The following ADGRB3 variants were observed in gnomAD, a reference collection of about 807,000 sequenced individuals.
ADGRB3 encodes adhesion G protein-coupled receptor B3.
A neutral mutation model predicts 193.4 loss-of-function variants in ADGRB3; 37 were observed. The ratio of observed to expected loss-of-function variants is 0.19; its 90% confidence interval spans 0.15 to 0.25. ADGRB3 has a LOEUF of 0.25. ADGRB3 is among the 10% of genes least tolerant of loss of function. The pLI, the probability that ADGRB3 is intolerant of heterozygous loss-of-function variation, is 1.00. For synonymous variants in ADGRB3, 690 were observed against 644.2 expected (o/e 1.07, Z -1.08); for missense variants, 1,637 against 1,852.9 (o/e 0.88, Z 2.14).
intron 3 of ADGRB3, among the ~76,000 whole-genome samples, chr6:68,714,367 A>AT (rs77947189): frequency 4.6e-5 from 7 of 151,124 alleles, no homozygotes; most frequent in Non-Finnish European, 7.4e-5. Flanking sequence ...AATTAGTCAA[A>AT]TTTTTTTTTG....
chr6:68,858,409 C>T (rs1765047813), intron 3 of ADGRB3, among the ~76,000 whole-genome samples: 1 of 149,228 alleles, frequency 6.7e-6, no homozygotes, highest in Admixed American at 6.8e-5. Context: ...GAGGCTAAGG[C>T]AGGAGAATTG....
intron 15 of ADGRB3, among the ~76,000 whole-genome samples, chr6:69,058,235 T>A (rs1205972589): frequency 6.6e-6 from 1 of 151,992 alleles, no homozygotes; most frequent in Non-Finnish European, 1.5e-5. Context: ...AATTAATTGT[T>A]CATAGCTGTC....
At chr6:68,792,892 A>G (rs551971340) in intron 3 of ADGRB3, among the ~76,000 whole-genome samples, 1 of 152,294 alleles carries the variant, frequency 6.6e-6, no homozygotes, top group Non-Finnish European at 1.5e-5. Context: ...CTACAGTCTC[A>G]GCAAAGTTAA....
chr6:69,349,087 C>T (rs1310683513), intron 26 of ADGRB3, among the ~76,000 whole-genome samples: 1 of 152,166 alleles, frequency 6.6e-6, no homozygotes, highest in Non-Finnish European at 1.5e-5. Flanking sequence ...GCTTCAAGGT[C>T]CTCTTCTGTG....
chr6:69,364,298 C>T (rs1233570823), intron 29 of ADGRB3, among the ~76,000 whole-genome samples: 2 of 151,762 alleles, frequency 1.3e-5, no homozygotes, highest in Non-Finnish European at 1.5e-5. Flanking sequence ...AGAGGAAAAA[C>T]GAGAGTTGAG....
chr6:68,823,993 A>G (rs1236147820), intron 3 of ADGRB3, among the ~76,000 whole-genome samples: 1 of 152,158 alleles, frequency 6.6e-6, no homozygotes, highest in East Asian at 1.9e-4. Flanking sequence ...GGTATGCTGA[A>G]GATTTACTGC....
intron 4 of ADGRB3, among the ~76,000 whole-genome samples, 192 bp from the exon 5 acceptor site, chr6:68,936,327 T>C (rs1267872603): frequency 1.3e-5 from 2 of 152,226 alleles, no homozygotes; most frequent in East Asian, 1.9e-4. Flanking sequence ...CAAAACTTGG[T>C]GTTTGCATCA....
At chr6:68,952,818 A>G (rs1767970328) in intron 6 of ADGRB3, among the ~76,000 whole-genome samples, 1 of 152,116 alleles carries the variant, frequency 6.6e-6, no homozygotes, top group Non-Finnish European at 1.5e-5. Context: ...TCTAAAATAC[A>G]TGTTTTGTTG....
chr6:68,966,906 G>T (rs1283044028), intron 8 of ADGRB3, among the ~76,000 whole-genome samples: 1 of 152,196 alleles, frequency 6.6e-6, no homozygotes, highest in Non-Finnish European at 1.5e-5. Flanking sequence ...ATAAAGATGA[G>T]ATGGCAGAAA....
intron 28 of ADGRB3, among the ~76,000 whole-genome samples, chr6:69,358,416 T>A (rs1769378604): frequency 6.6e-6 from 1 of 151,990 alleles, no homozygotes; most frequent in Non-Finnish European, 1.5e-5. Context: ...TCTCCTTCAT[T>A]AAATTACAGA....
chr6:68,940,771 A>T (rs1767620875), intron 5 of ADGRB3, among the ~76,000 whole-genome samples: 1 of 151,938 alleles, frequency 6.6e-6, no homozygotes, highest in Non-Finnish European at 1.5e-5. Context: ...GCGCGCCTGT[A>T]ATCCCGGCTA....
rs533324250 is a variant in ADGRB3 at position 69,259,289 on chromosome 6, G to T, written c.2814+20063G>T. On this transcript the variant is annotated intron_variant, in intron 20 of 31. Transcript: ENST00000370598. Reference sequence around the variant, plus strand: ...ATTTTAAGTAACATGGAGCTTAAAAGTCTTCAATAATTAACCTTGTTGCTG... The same window carrying T: ...ATTTTAAGTAACATGGAGCTTAAAATTCTTCAATAATTAACCTTGTTGCTG... Among the ~76,000 whole-genome samples the T allele has an allele frequency of 1.5e-3, 235 of 152,284 alleles. 3 individuals are homozygous for T. The highest frequency in any genetic ancestry group is 5.2e-3 in the African/African-American group (218 of 41,558).
At chr6:68,889,127 A>G (rs1189082115) in intron 3 of ADGRB3, among the ~76,000 whole-genome samples, 1 of 152,208 alleles carries the variant, frequency 6.6e-6, no homozygotes, top group Admixed American at 6.5e-5. Flanking sequence ...GTGACACAAA[A>G]GTATAAATTG....
chr6:69,382,381 T>G (rs984221196), intron 30 of ADGRB3, among the ~76,000 whole-genome samples: 6 of 151,920 alleles, frequency 3.9e-5, no homozygotes, highest in African/African-American at 1.2e-4. Flanking sequence ...TTGTTCCCAC[T>G]TTAGTACAGC....
intron 3 of ADGRB3, among the ~76,000 whole-genome samples, chr6:68,902,181 A>G (rs1310827931): frequency 3.3e-5 from 5 of 152,128 alleles, no homozygotes; most frequent in African/African-American, 1.2e-4. Flanking sequence ...AGGTATTCAC[A>G]CTGTTACTTC....
chr6:69,101,891 A>T (rs1255707877), intron 17 of ADGRB3, among the ~76,000 whole-genome samples: 3 of 152,080 alleles, frequency 2.0e-5, no homozygotes, highest in Non-Finnish European at 4.4e-5. Flanking sequence ...ATTGCCTCCT[A>T]ATATATTAAG....
At chr6:68,962,775 C>T (rs2150259475) in intron 8 of ADGRB3, among the ~76,000 whole-genome samples, 1 of 152,180 alleles carries the variant, frequency 6.6e-6, no homozygotes, top group African/African-American at 2.4e-5. Context: ...GACACTAAAT[C>T]TGAATATTGG....
chr6:68,701,739 C>T (rs1454387880), intron 3 of ADGRB3, among the ~76,000 whole-genome samples: 1 of 152,088 alleles, frequency 6.6e-6, no homozygotes, highest in East Asian at 1.9e-4. Flanking sequence ...TTCTTCTGTG[C>T]AGTGAAAAAC....
intron 3 of ADGRB3, among the ~76,000 whole-genome samples, chr6:68,792,911 C>T (rs1009842075): frequency 2.0e-5 from 3 of 152,158 alleles, no homozygotes; most frequent in African/African-American, 7.2e-5. Context: ...AACCCCTGGT[C>T]ATACACAGTT....
Sources: gnomAD v4.1 joint callset for allele counts (sites outside exome capture counted in the v4.1 genomes callset) on GRCh38, gnomAD v4.1.1 for gene constraint, MANE v1.5 for transcripts, NCBI Gene and HGNC (gene_info 2026-07-23, HGNC 2026-07-21) for gene names.